Variants in CDH12 observed in about 807,000 individuals in gnomAD.
CDH12 encodes cadherin 12.
Under a neutral mutation model 74.1 loss-of-function variants are expected in CDH12, and 41 were observed. The ratio of observed to expected loss-of-function variants is 0.55; its 90% CI spans 0.43 to 0.72. CDH12 has a LOEUF of 0.72. Among genes scored for constraint, CDH12 ranks in the 30% least tolerant of loss-of-function variants. CDH12 has a pLI of 0.00. For missense variants in CDH12, 945 were observed against 977.2 expected, an observed-to-expected ratio of 0.97 and a Z score of 0.44; for synonymous variants, 399 against 355.0, an observed-to-expected ratio of 1.12 and a Z score of -1.39.
intron 10 of CDH12, among the ~76,000 whole-genome samples, chr5:21,790,190 T>C (rs1746413299): frequency 6.6e-6 from 1 of 152,138 alleles, no homozygotes; most frequent in Non-Finnish European, 1.5e-5. Flanking sequence ...ATTTAACAAA[T>C]TGATTCAAAC....
intron 3 of CDH12, among the ~76,000 whole-genome samples, chr5:22,283,936 G>A (rs996260662): frequency 2.0e-4 from 30 of 152,054 alleles, no homozygotes; most frequent in African/African-American, 7.2e-4. Flanking sequence ...TGTTGGTGAT[G>A]CACACATAAA....
At chr5:22,010,322 C>A (rs1205315094) in intron 5 of CDH12, among the ~76,000 whole-genome samples, 1 of 152,214 alleles carries the variant, frequency 6.6e-6, no homozygotes, top group East Asian at 1.9e-4. Context: ...AGGACAATAT[C>A]TTCTTACTTT....
intron 2 of CDH12, among the ~76,000 whole-genome samples, chr5:22,427,829 T>C (rs2126512955): frequency 6.6e-6 from 1 of 152,276 alleles, no homozygotes; most frequent in Non-Finnish European, 1.5e-5. Context: ...CCAAGCTGTA[T>C]AGGACACATC....
chr5:22,156,812 A>AT (rs1748047215), intron 4 of CDH12, among the ~76,000 whole-genome samples: 1 of 152,252 alleles, frequency 6.6e-6, no homozygotes, highest in Admixed American at 6.5e-5. Context: ...GATGGCAAGC[A>AT]TTTTTTACAT....
intron 2 of CDH12, among the ~76,000 whole-genome samples, chr5:22,460,586 G>T (rs930579645): frequency 6.6e-6 from 1 of 151,982 alleles, no homozygotes; most frequent in Non-Finnish European, 1.5e-5. Flanking sequence ...TTATAGCAGA[G>T]ATGTTTAAGA....
At chr5:22,253,637 A>G (rs1753207116) in intron 3 of CDH12, among the ~76,000 whole-genome samples, 1 of 151,724 alleles carries the variant, frequency 6.6e-6, no homozygotes, top group African/African-American at 2.4e-5. Flanking sequence ...TGCCTTTCTC[A>G]ACATTCTCTT....
chr5:22,195,432 C>T (rs2150350005), intron 4 of CDH12, among the ~76,000 whole-genome samples: 1 of 152,300 alleles, frequency 6.6e-6, no homozygotes, highest in East Asian at 1.9e-4. Context: ...ATTGAAATGT[C>T]AATGTGTTGA....
chr5:21,860,542 T>C (rs1232228586), intron 6 of CDH12, among the ~76,000 whole-genome samples: 1 of 152,006 alleles, frequency 6.6e-6, no homozygotes, highest in Non-Finnish European at 1.5e-5. Flanking sequence ...AGATTAACAT[T>C]TGAGTCAGTG....
At chr5:21,833,215 TATTATATGTTATATAAC>T (rs1749249590) in intron 8 of CDH12, among the ~76,000 whole-genome samples, 1 of 41,824 alleles carries the variant, frequency 2.4e-5, no homozygotes, top group Non-Finnish European at 3.3e-5. Context: ...TTATAATATA[TATTATATGTTATATAAC>T]ATATAATATA....
At chr5:21,941,341 A>AT (rs1289377555) in intron 6 of CDH12, among the ~76,000 whole-genome samples, 1 of 152,180 alleles carries the variant, frequency 6.6e-6, no homozygotes, top group Non-Finnish European at 1.5e-5. Flanking sequence ...GTTTCTTGAG[A>AT]TTTTTCAACA....
chr5:22,410,340 T>TA (rs1445322494), intron 2 of CDH12, among the ~76,000 whole-genome samples: 1 of 152,056 alleles, frequency 6.6e-6, no homozygotes, highest in Non-Finnish European at 1.5e-5. Flanking sequence ...AAACTGGCCA[T>TA]AAAAAATTAT....
chr5:22,668,314 A>G (rs183546335), intron 1 of CDH12, among the ~76,000 whole-genome samples: 1 of 152,220 alleles, frequency 6.6e-6, no homozygotes, highest in Admixed American at 6.5e-5. Flanking sequence ...AATAAGTAAC[A>G]AAAAAGCACA....
At chr5:22,538,085 C>T (rs1396765422) in intron 1 of CDH12, among the ~76,000 whole-genome samples, 1 of 152,188 alleles carries the variant, frequency 6.6e-6, no homozygotes, top group Non-Finnish European at 1.5e-5. Flanking sequence ...GCACATTCTA[C>T]CACCTTAGGG....
At chr5:22,582,256 G>C (rs932525578) in intron 1 of CDH12, among the ~76,000 whole-genome samples, 1 of 151,430 alleles carries the variant, frequency 6.6e-6, no homozygotes, top group African/African-American at 2.4e-5. Context: ...CCTTAATATA[G>C]ATGACATACT....
intron 2 of CDH12, among the ~76,000 whole-genome samples, chr5:22,484,943 C>T: frequency 6.6e-6 from 1 of 151,872 alleles, no homozygotes. Flanking sequence ...AGTCATTCTT[C>T]AAGGGTCTTT....
intron 1 of CDH12, among the ~76,000 whole-genome samples, chr5:22,627,699 T>A (rs1738371076): frequency 6.6e-6 from 1 of 152,074 alleles, no homozygotes; most frequent in African/African-American, 2.4e-5. Context: ...AATAACCAGA[T>A]AACTACTTAC....
rs144522971 is a variant in CDH12 at position 22,315,986 on chromosome 5, C to T, written c.-333+89271G>A. ...AATAGGAACAAGATCAGCCAGCTAA[C>T]GGGAACGTTTCTTAGCCTCTCTTCT... On this transcript the variant is annotated intron_variant, in intron 3 of 14. Transcript: ENST00000382254. Among the ~76,000 whole-genome samples the T allele has an allele frequency of 6.7e-4, 102 of 151,838 alleles. No homozygotes were observed. In the East Asian group the frequency reaches 0.018, roughly 26 times the overall value.
intron 2 of CDH12, among the ~76,000 whole-genome samples, chr5:22,407,857 A>G (rs1036088367): frequency 6.6e-6 from 1 of 152,086 alleles, no homozygotes; most frequent in African/African-American, 2.4e-5. Flanking sequence ...ATTAGACTCC[A>G]TGTCTGATTA....
intron 1 of CDH12, among the ~76,000 whole-genome samples, chr5:22,586,177 C>A (rs1322959732): frequency 6.6e-6 from 1 of 152,130 alleles, no homozygotes; most frequent in Non-Finnish European, 1.5e-5. Context: ...ATGATGAGTT[C>A]ATGTCCTTTG....
Sources: gnomAD v4.1 joint callset for allele counts (sites outside exome capture counted in the v4.1 genomes callset) on GRCh38, gnomAD v4.1.1 for gene constraint, MANE v1.5 for transcripts, NCBI Gene and HGNC (gene_info 2026-07-23, HGNC 2026-07-21) for gene names.